The following PCDH15 variants were observed in gnomAD, a reference collection of about 807,000 sequenced individuals.
PCDH15 encodes the protein protocadherin-15.
A neutral mutation model predicts 178.5 loss-of-function variants in PCDH15; 129 were observed. That is an observed-to-expected ratio of 0.72 (90% CI 0.63 to 0.84). PCDH15 has a LOEUF of 0.84. PCDH15 is among the 40% of genes least tolerant of loss of function. The probability of loss-of-function intolerance (pLI) is 0.00; values close to 1 mark genes in which losing one functional copy is unlikely to be tolerated. For missense variants in PCDH15, 2,230 were observed against 2,099.9 expected (o/e 1.06, Z -1.21); for synonymous variants, 800 against 732.0 (o/e 1.09, Z -1.50).
At chr10:55,023,926 G>T (rs557231092) in intron 2 of PCDH15, among the ~76,000 whole-genome samples, 1 of 148,372 alleles carries the variant, frequency 6.7e-6, no homozygotes, top group Non-Finnish European at 1.5e-5. Flanking sequence ...TATACATCTG[G>T]ACCTGTGGGT....
At chr10:54,139,490 T>C (rs1186293171) in intron 14 of PCDH15, among the ~76,000 whole-genome samples, 1 of 152,140 alleles carries the variant, frequency 6.6e-6, no homozygotes, top group Admixed American at 6.6e-5. Flanking sequence ...TCATTGGGTG[T>C]CTGGGTCATT....
At chr10:55,547,581 TA>T (rs59400337) in intron 2 of PCDH15, among the ~76,000 whole-genome samples, 37 of 151,560 alleles carry the variant, frequency 2.4e-4, no homozygotes, top group African/African-American at 8.7e-4. Flanking sequence ...ATGGCTAAAG[TA>T]AAAAAAACAA....
At position 54,708,281 on chromosome 10, in the gene PCDH15, C is replaced by A. The variant is rs997472453; in HGVS notation, c.-28-43991G>T. Among the ~76,000 whole-genome samples the A allele has an allele frequency of 3.3e-5, 5 of 152,088 alleles. No individual in the cohort carries two copies. The South Asian group carries it at 1.0e-3, about 32-fold the overall frequency. On this transcript the variant is annotated intron_variant, in intron 1 of 37. Transcript: ENST00000644397. ...TGGATAAATCACTATGGCAACATTGCGGATGGTGAATTTCAAGAGTGCAAG... is the reference window on the plus strand; with the variant it reads ...TGGATAAATCACTATGGCAACATTGAGGATGGTGAATTTCAAGAGTGCAAG...
intron 2 of PCDH15, among the ~76,000 whole-genome samples, chr10:54,958,328 C>T (rs1050285574): frequency 1.3e-5 from 2 of 151,672 alleles, no homozygotes; most frequent in Admixed American, 1.3e-4. Context: ...TTTTGTCTTA[C>T]CTACGTCACC....
At chr10:54,542,997 G>A (rs892933087) in intron 2 of PCDH15, among the ~76,000 whole-genome samples, 11 of 152,170 alleles carry the variant, frequency 7.2e-5, no homozygotes, top group Non-Finnish European at 2.9e-5. Context: ...AGGATGTCGA[G>A]GGAGCACACC....
At chr10:55,187,470 G>T (rs12265891) in intron 1 of PCDH15, among the ~76,000 whole-genome samples, 69,515 of 151,734 alleles carry the variant, frequency 0.46, 16,449 homozygotes, top group East Asian at 0.67. Flanking sequence ...GGATCAGAAG[G>T]ACCATCGTGT....
intron 2 of PCDH15, among the ~76,000 whole-genome samples, chr10:54,972,198 C>A (rs546009596): frequency 6.6e-6 from 1 of 152,258 alleles, no homozygotes; most frequent in South Asian, 2.1e-4. Flanking sequence ...ATCTAAGTTA[C>A]AATAATGCCG....
intron 9 of PCDH15, among the ~76,000 whole-genome samples, chr10:54,220,993 T>C (rs1483777737): frequency 6.6e-6 from 1 of 151,744 alleles, no homozygotes; most frequent in African/African-American, 2.4e-5. Flanking sequence ...TGTGCTTTCA[T>C]TATACACAAT....
chr10:55,188,653 C>A (rs1322540210), intron 1 of PCDH15, among the ~76,000 whole-genome samples: 2 of 151,824 alleles, frequency 1.3e-5, no homozygotes, highest in Non-Finnish European at 2.9e-5. Context: ...TGCCATAAGA[C>A]AATTTCCAAA....
chr10:54,366,994 G>A (rs1471980116), intron 5 of PCDH15, among the ~76,000 whole-genome samples: 1 of 151,974 alleles, frequency 6.6e-6, no homozygotes, highest in Non-Finnish European at 1.5e-5. Flanking sequence ...CTGATGTTTA[G>A]GAGTTTAGGG....
intron 1 of PCDH15, among the ~76,000 whole-genome samples, chr10:55,186,761 A>T (rs928083155): frequency 2.3e-5 from 3 of 128,496 alleles, no homozygotes; most frequent in Admixed American, 8.2e-5. Context: ...GTGTGTGTGT[A>T]TTTTTTTTTC....
intron 8 of PCDH15, among the ~76,000 whole-genome samples, chr10:54,316,448 T>C (rs953542883): frequency 3.9e-5 from 6 of 152,016 alleles, no homozygotes; most frequent in Admixed American, 1.3e-4. Context: ...GAGAGCTGAT[T>C]GCTTTCCAGG....
chr10:54,234,049 A>G (rs907157259), intron 9 of PCDH15, among the ~76,000 whole-genome samples: 1 of 152,084 alleles, frequency 6.6e-6, no homozygotes, highest in Non-Finnish European at 1.5e-5. Context: ...AGAAACACAT[A>G]TATTCAGAAG....
chr10:53,815,743 A>G (rs1396454742), intron 35 of PCDH15, among the ~76,000 whole-genome samples: 1 of 151,792 alleles, frequency 6.6e-6, no homozygotes, highest in African/African-American at 2.4e-5. Flanking sequence ...ATATATATTT[A>G]TTATACAAAA....
At chr10:55,577,917 C>T (rs528076293) in intron 2 of PCDH15, among the ~76,000 whole-genome samples, 12 of 151,982 alleles carry the variant, frequency 7.9e-5, no homozygotes, top group South Asian at 2.1e-4. Flanking sequence ...ACTTTTAAAA[C>T]GTCCATCTTT....
Position 55,464,002 on chromosome 10 carries a change from AAAG to A in PCDH15, c.-156+163620_-156+163622del, listed in dbSNP as rs1223805860. Among the ~76,000 whole-genome samples the A allele has an allele frequency of 4.7e-5, 3 of 63,374 alleles. 1 individual carries two copies. Among genetic ancestry groups the A allele is most frequent in the Non-Finnish European group, 9.1e-5 (3 of 33,032 alleles). 41.6% of individuals were successfully genotyped at this position (63,374 alleles called of 152,430 possible). ...AAGAAAGAAAGAAAGAGAAAGAAAG[AAAG>A]AAAGAAAGAAAGAAAGAAAGAAAGA... On this transcript the variant is annotated intron_variant, in intron 2 of 5. Coordinates refer to the PCDH15 transcript ENST00000613346.
chr10:55,598,512 TAA>T (rs1842982508), intron 2 of PCDH15, among the ~76,000 whole-genome samples: 7 of 80,596 alleles, frequency 8.7e-5, no homozygotes, highest in African/African-American at 3.1e-4. Flanking sequence ...CAGCAAACCC[TAA>T]TATATATATA....
chr10:53,853,547 T>C (rs2078532712), intron 28 of PCDH15, among the ~76,000 whole-genome samples: 1 of 152,024 alleles, frequency 6.6e-6, no homozygotes, highest in African/African-American at 2.4e-5. Flanking sequence ...ATCTAATATC[T>C]AAACAACTCC....
At chr10:54,405,496 A>G (rs1434767807) in intron 3 of PCDH15, among the ~76,000 whole-genome samples, 1 of 152,010 alleles carries the variant, frequency 6.6e-6, no homozygotes, top group Non-Finnish European at 1.5e-5. Context: ...TAACATGTGG[A>G]CACATAGAGG....
Sources: gnomAD v4.1 joint callset for allele counts (sites outside exome capture counted in the v4.1 genomes callset) on GRCh38, gnomAD v4.1.1 for gene constraint, MANE v1.5 for transcripts, NCBI Gene and HGNC (gene_info 2026-07-23, HGNC 2026-07-21) for gene names.